The following RTF1 variants were observed in gnomAD, a reference collection of about 807,000 sequenced individuals.
RTF1 encodes the protein RNA polymerase-associated protein RTF1 homolog.
Under a neutral mutation model 95.7 loss-of-function variants are expected in RTF1, and 10 were observed. That is an observed-to-expected ratio of 0.10 (90% confidence interval 0.06 to 0.18). The LOEUF (loss-of-function observed/expected upper bound fraction) is 0.18, where lower values mean the gene tolerates loss of function less well. Among genes scored for constraint, RTF1 ranks in the 10% least tolerant of loss-of-function variants. The pLI, the probability that RTF1 is intolerant of heterozygous loss-of-function variation, is 1.00. For synonymous variants in RTF1, 305 were observed against 311.8 expected (o/e 0.98, Z 0.23); for missense variants, 458 against 875.6 (o/e 0.52, Z 6.02).
At chr15:41,445,512 G>A (rs1453003265) in intron 2 of RTF1, among the ~76,000 whole-genome samples, 1 of 152,130 alleles carries the variant, frequency 6.6e-6, no homozygotes, top group East Asian at 1.9e-4. Context: ...TTGTGATTGA[G>A]TGCAAGGATT....
chr15:41,439,661 A>T (rs1322762553), intron 2 of RTF1, among the ~76,000 whole-genome samples: 2 of 151,930 alleles, frequency 1.3e-5, no homozygotes, highest in Non-Finnish European at 2.9e-5. Context: ...ATTTTATTTT[A>T]TTTTTTTGAG....
intron 16 of RTF1, among the ~76,000 whole-genome samples, chr15:41,479,928 G>T (rs994049982): frequency 3.3e-5 from 5 of 151,590 alleles, no homozygotes; most frequent in Non-Finnish European, 7.4e-5. Flanking sequence ...AGTCTAACTG[G>T]TCTCAGGATT....
At chr15:41,473,493 C>A (rs915313030) in intron 8 of RTF1, among the ~76,000 whole-genome samples, 5 of 149,752 alleles carry the variant, frequency 3.3e-5, no homozygotes, top group African/African-American at 1.2e-4. Context: ...CCAGGCTAAT[C>A]CGGAACTCCT....
chr15:41,431,229 T>G (rs932830202), intron 1 of RTF1, among the ~76,000 whole-genome samples: 8 of 150,298 alleles, frequency 5.3e-5, no homozygotes, highest in African/African-American at 1.5e-4. Context: ...TTTTTTTTTT[T>G]TTGAGAAGGA....
Position 41,457,684 on chromosome 15 carries a change from A to G in RTF1, c.470A>G (p.Asp157Gly). ...GCCTTTGTTGCAGGTGAAGTGTCAGACTCTGACAGCAACAGCTCCTCTTCC... is the reference window on the plus strand; with the variant it reads ...GCCTTTGTTGCAGGTGAAGTGTCAGGCTCTGACAGCAACAGCTCCTCTTCC... ...SSAPEEGEVS[D>G]SDSNSSSSSS... The change falls in exon 4 of 18, where the codon GAC (aspartate) becomes GGC (glycine). Residue 157 changes from aspartate to glycine, a missense_variant. By Grantham distance (94) the Asp-to-Gly change is moderately conservative (BLOSUM62 -1). This residue lies in a region of RTF1 where 15 missense variants were observed against 28.4 expected (regional missense o/e 0.53). Transcript: ENST00000389629. The G allele has an allele frequency of 6.2e-7, 1 of 1,613,982 alleles. No individual in the cohort carries two copies. The highest frequency in any genetic ancestry group is 8.5e-7 in the Non-Finnish European group (1 of 1,179,996).
intron 4 of RTF1, among the ~76,000 whole-genome samples, chr15:41,460,551 G>C (rs1403095457): frequency 6.6e-6 from 1 of 152,240 alleles, no homozygotes; most frequent in Non-Finnish European, 1.5e-5. Context: ...AGCATAGTAA[G>C]ATGTTGTCGT....
Position 41,481,593 on chromosome 15 carries a change from TAC to T in RTF1, c.*907_*908del. The T allele has an allele frequency of 6.6e-6, 1 of 152,448 alleles. No individual in the cohort carries two copies. Among genetic ancestry groups the T allele is most frequent in the East Asian group, 1.9e-4 (1 of 5,190 alleles). The allele number at this position is 152,448 out of a possible 1,614,324, so 9.4% of individuals were successfully genotyped here. On this transcript the variant is annotated 3_prime_UTR_variant, in exon 18 of 18. Transcript: ENST00000389629. ...TGTGGGAGGGAAGCCCATGGCCAGG[TAC>T]CAGGGAGGGCAGTGAATGTCTTGCT...
intron 2 of RTF1, among the ~76,000 whole-genome samples, chr15:41,442,939 C>T (rs1045291260): frequency 6.6e-6 from 1 of 152,112 alleles, no homozygotes; most frequent in Non-Finnish European, 1.5e-5. Context: ...AGGAAGCCCT[C>T]CTTGTACCAG....
intron 2 of RTF1, among the ~76,000 whole-genome samples, chr15:41,452,600 G>A (rs1404512181): frequency 1.3e-5 from 2 of 152,040 alleles, no homozygotes; most frequent in African/African-American, 4.8e-5. Flanking sequence ...TGGGCGTGGT[G>A]GGGCACACCT....
At chr15:41,450,836 A>T (rs1038254890) in intron 2 of RTF1, among the ~76,000 whole-genome samples, 13 of 151,966 alleles carry the variant, frequency 8.6e-5, no homozygotes, top group Non-Finnish European at 1.9e-4. Flanking sequence ...CTGTAGTCCC[A>T]GCTACTCAGG....
chr15:41,421,570 G>T (rs2050601375), intron 1 of RTF1, among the ~76,000 whole-genome samples: 1 of 151,248 alleles, frequency 6.6e-6, no homozygotes, highest in African/African-American at 2.4e-5. Context: ...GGTTGAAGTT[G>T]CAGTTACTTG....
rs535870983 is a variant in RTF1, at chr15:41,428,257, CTTTTTTTTTTT to C, written c.199-10046_199-10036del. 5.7e-4 allele frequency among the ~76,000 whole-genome samples: 55 copies of C among 95,940 alleles called. 1 individual carries two copies. The highest frequency in any genetic ancestry group is 1.6e-3 in the African/African-American group (32 of 20,132). The allele number at this position is 95,940 out of a possible 152,430, so 62.9% of individuals were successfully genotyped here. ...CCCCTCTACTGCAATACTGATATCC[CTTTTTTTTTTT>C]TTTTTTTTTTTTTTTTTGAGATGGA... On this transcript the variant is annotated intron_variant, in intron 1 of 17. Coordinates refer to ENST00000389629, the MANE Select transcript of RTF1 (RefSeq NM_015138.5).
Position 41,466,228 on chromosome 15 carries a change from C to T in RTF1, c.865C>T (p.Arg289Ter), listed in dbSNP as rs747435783. ...SQAMEELKAE[R>*]EKRKNRTAEL... is the part of the protein sequence containing the mutation. ...AGCCATGGAGGAGCTAAAAGCAGAG[C>T]GAGAAAAACGAAAGAACAGAACAGG... is the stretch of plus-strand genomic sequence containing the variant. The change falls in exon 6 of 18, where the codon CGA becomes TGA. Residue 289 changes from arginine to a stop codon, truncating the protein, a stop_gained. Transcript: ENST00000389629. LOFTEE classifies it high-confidence loss of function. 2.5e-6 allele frequency: 4 copies of T among 1,584,240 alleles called. No individual in the cohort carries two copies. The highest frequency in any genetic ancestry group is 2.3e-5 in the East Asian group (1 of 44,048).
chr15:41,474,675 C>T lies in RTF1; in HGVS notation c.1259C>T (p.Thr420Ile). Residue 420 changes from threonine (T) to isoleucine (I), a missense_variant, in exon 9 of 18, where the codon ACC (threonine) becomes ATC (isoleucine). Transcript: ENST00000389629. Reference sequence around the variant, plus strand: ...GCCAAAGTTTACCAACTAGGTGGCACCAGAACAAACAAAGGGCTGCAACTA... The same window carrying T: ...GCCAAAGTTTACCAACTAGGTGGCATCAGAACAAACAAAGGGCTGCAACTA... ...ETAKVYQLGGTRTNKGLQLRH... is the reference protein window; with the variant it reads ...ETAKVYQLGGIRTNKGLQLRH... The T allele has an allele frequency of 6.2e-7, 1 of 1,614,058 alleles. No individual in the cohort carries two copies. Among genetic ancestry groups the T allele is most frequent in the Non-Finnish European group, 8.5e-7 (1 of 1,179,950 alleles).
At chr15:41,480,440 T>C (rs916990686) in intron 17 of RTF1, 115 bp downstream of exon 17, 3 of 974,300 alleles carry the variant, frequency 3.1e-6, no homozygotes, top group African/African-American at 1.6e-5. Context: ...CTCATCAGCA[T>C]CCACAGGCCA....
chr15:41,417,153 C>T lies in RTF1; in HGVS notation c.38C>T (p.Ala13Val). 2.4e-6 allele frequency: 3 copies of T among 1,259,700 alleles called. No homozygotes were observed. Among genetic ancestry groups the T allele is most frequent in the Non-Finnish European group, 3.0e-6 (3 of 998,206 alleles). The allele number at this position is 1,259,700 out of a possible 1,614,324, so 78.0% of individuals were successfully genotyped here. A position where few individuals can be genotyped will look rare whatever the true frequency, so the allele number is the denominator to read the frequency against. ...CTTTGTGTGGGTCGAGCAGCGGCGG[C>T]GGCGGCGGCAGTGGCGGTCCCACTG... is the stretch of plus-strand genomic sequence containing the variant. ...GRLCVGRAAA[A>V]AAAVAVPLAG... The change falls in exon 1 of 18, where the codon GCG becomes GTG. Residue 13 changes from alanine to valine, a missense_variant. By Grantham distance (64) the Ala-to-Val change is moderately conservative. Around this residue, in one of 11 missense-constraint regions of RTF1, gnomAD observed 81 missense variants for 59.9 expected, o/e 1.35. Transcript: ENST00000389629.
intron 4 of RTF1, among the ~76,000 whole-genome samples, chr15:41,464,291 G>A (rs930175853): frequency 2.2e-4 from 32 of 145,708 alleles, no homozygotes; most frequent in Non-Finnish European, 3.0e-4. Context: ...TTGCTCTGTC[G>A]CTAGGCTGGA....
rs148583566 is a variant in RTF1, at chr15:41,444,243, C to G, written c.309+5812C>G. Among the ~76,000 whole-genome samples, 380 of 151,718 alleles carry G rather than the reference C, an allele frequency of 2.5e-3. 1 individual carries two copies. Among genetic ancestry groups the G allele is most frequent in the African/African-American group, 8.7e-3 (360 of 41,390 alleles). On this transcript the variant is annotated intron_variant, in intron 2 of 17. Coordinates refer to ENST00000389629, the MANE Select transcript of RTF1 (RefSeq NM_015138.5). The stretch of plus-strand genomic sequence containing the variant: ...CTGTAATCATGCCACTGCACTCCAA[C>G]CTGGGCAACAGATTGAGACTCTGTC...
rs2050977946 is a variant in RTF1 at position 41,481,947 on chromosome 15, G to A, written c.*1260G>A. 1 of 152,226 alleles carries A rather than the reference G, an allele frequency of 6.6e-6. No homozygotes were observed. The highest frequency in any genetic ancestry group is 2.4e-5 in the African/African-American group (1 of 41,456). The allele number at this position is 152,226 out of a possible 1,614,324, so 9.4% of individuals were successfully genotyped here. Reference sequence around the variant, plus strand: ...CTACAAAACTTAGCCGGGCATGGTGGTGCGTGCCTGTAATCCCAGCTACTC... The same window carrying A: ...CTACAAAACTTAGCCGGGCATGGTGATGCGTGCCTGTAATCCCAGCTACTC... On this transcript the variant is annotated 3_prime_UTR_variant, in exon 18 of 18. Coordinates refer to ENST00000389629, the MANE Select transcript of RTF1 (RefSeq NM_015138.5).
Sources: allele counts gnomAD v4.1 joint callset (sites outside exome capture counted in the v4.1 genomes callset), GRCh38; gene constraint gnomAD v4.1.1; regional missense constraint gnomAD v4.1.1; transcripts MANE v1.5; gene names NCBI Gene and HGNC (gene_info 2026-07-23, HGNC 2026-07-21).